Variants in CHRNA4 observed in about 807,000 individuals in gnomAD.
The protein encoded by CHRNA4 is cholinergic receptor nicotinic alpha 4 subunit.
Under a neutral mutation model 48.9 loss-of-function variants are expected in CHRNA4, and 28 were observed. The ratio of observed to expected loss-of-function variants is 0.57; its 90% CI spans 0.42 to 0.79. The LOEUF (loss-of-function observed/expected upper bound fraction) is 0.79, where lower values mean the gene tolerates loss of function less well. Ranked by LOEUF, CHRNA4 falls within the 30% of genes least tolerant of loss-of-function variation. The probability of loss-of-function intolerance (pLI) is 0.00; values close to 1 mark genes in which losing one functional copy is unlikely to be tolerated. For missense variants in CHRNA4, 859 were observed against 898.4 expected (o/e 0.96, Z 0.56); for synonymous variants, 425 against 402.3 (o/e 1.06, Z -0.68).
At chr20:63,349,307 T>G (rs1368751924) in intron 5 of CHRNA4, among the ~76,000 whole-genome samples, 2 of 152,176 alleles carry the variant, frequency 1.3e-5, no homozygotes, top group Non-Finnish European at 2.9e-5. Context: ...GACTTGGCCA[T>G]TGCTGGGCAG....
chr20:63,360,336 C>A (rs1049885512), intron 1 of CHRNA4, among the ~76,000 whole-genome samples: 1 of 152,086 alleles, frequency 6.6e-6, no homozygotes, highest in Non-Finnish European at 1.5e-5. Context: ...CAGACCCCAA[C>A]GAGGTGCCAG....
In CHRNA4 at chr20:63,349,890, G is replaced by A. The variant is rs138865255; in HGVS notation, c.1521C>T (p.Ala507=). 2.1e-5 allele frequency: 33 copies of A among 1,593,390 alleles called. No homozygotes were observed. The Middle Eastern group carries it at 5.1e-4, about 25-fold the overall frequency. ...GGGTGTTGCGAGAGGCCAGGGCGCCGGCAGCCTGGCCATCTGCCTCGGGGG... is the reference window on the plus strand; with the variant it reads ...GGGTGTTGCGAGAGGCCAGGGCGCCAGCAGCCTGGCCATCTGCCTCGGGGG... ...DAAPEADGQA[A]GALASRNTHS... is the part of the protein sequence containing the mutation. Residue 507 remains alanine (A), a synonymous_variant, in exon 5 of 6, where the codon GCC becomes GCT. Transcript: ENST00000370263.
At chr20:63,360,840 C>T (rs1165602061) in intron 1 of CHRNA4, 2 of 391,400 alleles carry the variant, frequency 5.1e-6, no homozygotes, top group Admixed American at 4.6e-5. Flanking sequence ...AGCAGCGGAA[C>T]CCCCCACACC....
chr20:63,350,664 G>T lies in CHRNA4; in HGVS notation c.747C>A (p.Asn249Lys). ...IRRLPLFYTINLIIPCLLISC... is the reference protein window; with the variant it reads ...IRRLPLFYTIKLIIPCLLISC... ...AGATGAGCAGGCAGGGGATGATGAG[G>T]TTGATGGTGTAGAAGAGCGGCAGCC... Residue 249 changes from asparagine (N) to lysine (K), a missense_variant, in exon 5 of 6, where the codon AAC becomes AAA. Physicochemically the swap from Asn to Lys is moderately conservative, Grantham distance 94. Around this residue, in one of 3 missense-constraint regions of CHRNA4, gnomAD observed 342 missense variants for 365.3 expected, o/e 0.94. Transcript: ENST00000370263. 1 of 1,614,014 alleles carries T rather than the reference G, an allele frequency of 6.2e-7. No individual in the cohort carries two copies. The highest frequency in any genetic ancestry group is 1.1e-5 in the South Asian group (1 of 91,070).
At chr20:63,356,491 C>T in intron 2 of CHRNA4, 76 bp from the exon 3 acceptor site, 1 of 1,430,446 alleles carries the variant, frequency 7.0e-7, no homozygotes, top group Non-Finnish European at 9.6e-7. Flanking sequence ...TCATCTACAG[C>T]CACTGGCACA....
intron 4 of CHRNA4, among the ~76,000 whole-genome samples, chr20:63,352,997 T>C (rs1403397252): frequency 6.6e-6 from 1 of 151,988 alleles, no homozygotes; most frequent in African/African-American, 2.4e-5. Flanking sequence ...AGCTGCACCC[T>C]GGGAGCAGAC....
intron 4 of CHRNA4, among the ~76,000 whole-genome samples, chr20:63,352,787 T>G (rs1276195441): frequency 6.6e-6 from 1 of 151,934 alleles, no homozygotes; most frequent in East Asian, 1.9e-4. Context: ...CCCAGGGTCC[T>G]CTGCCCGCGC....
At position 63,343,675 on chromosome 20, in the gene CHRNA4, C is replaced by T; in HGVS notation, c.*3063G>A. Reference sequence around the variant, plus strand: ...CAGGCCGGTCCGGAGGCAGAAGGGGCTGGGAAGCCCTGGCCAGGGCCTTCA... The same window carrying T: ...CAGGCCGGTCCGGAGGCAGAAGGGGTTGGGAAGCCCTGGCCAGGGCCTTCA... On this transcript the variant is annotated 3_prime_UTR_variant, in exon 6 of 6. Transcript: ENST00000370263. 1 of 446,590 alleles carries T rather than the reference C, an allele frequency of 2.2e-6. No individual in the cohort carries two copies. The highest frequency in any genetic ancestry group is 4.5e-6 in the Non-Finnish European group (1 of 221,932). 27.7% of individuals were successfully genotyped at this position (446,590 alleles called of 1,614,324 possible).
At chr20:63,348,688 C>A (rs1306150151) in intron 5 of CHRNA4, among the ~76,000 whole-genome samples, 1 of 152,192 alleles carries the variant, frequency 6.6e-6, no homozygotes, top group East Asian at 1.9e-4. Flanking sequence ...GCCGAATTGC[C>A]GCTGTGGACG....
In CHRNA4 at chr20:63,359,618, CG is replaced by C; in HGVS notation, c.157del (p.Arg53AspfsTer30). 1 of 1,612,706 alleles carries C rather than the reference CG, an allele frequency of 6.2e-7. No homozygotes were observed. Among genetic ancestry groups the C allele is most frequent in the Non-Finnish European group, 8.5e-7 (1 of 1,179,940 alleles). ...CACGTCCGAGATGTTGGCCACGGGTCGGGACCACTTGTTGTAACCGGAGAAG... is the reference window on the plus strand; with the variant it reads ...CACGTCCGAGATGTTGGCCACGGGTCGGACCACTTGTTGTAACCGGAGAAG... ...KLFSGYNKWS[R>X]PVANISDVVL... is the part of the protein sequence containing the mutation. On this transcript the variant is annotated frameshift_variant, in exon 2 of 6. Coordinates refer to ENST00000370263, the MANE Select transcript of CHRNA4 (RefSeq NM_000744.7). LOFTEE classifies it high-confidence loss of function.
chr20:63,351,409 C>T (rs1431211948), intron 4 of CHRNA4, among the ~76,000 whole-genome samples: 2 of 152,216 alleles, frequency 1.3e-5, no homozygotes, highest in African/African-American at 4.8e-5. Context: ...GGGAAGGGAC[C>T]TACGAGTGCC....
At position 63,350,102 on chromosome 20, in the gene CHRNA4, C is replaced by G; in HGVS notation, c.1309G>C (p.Ala437Pro). Residue 437 changes from alanine (A) to proline (P), a missense_variant, in exon 5 of 6, where the codon GCT (alanine) becomes CCT (proline). This residue lies in a region of CHRNA4 where 478 missense variants were observed against 455.4 expected (regional missense o/e 1.05). Transcript: ENST00000370263. ...GAGGGGTGGGGGCTGGCTTTCTCAG[C>G]TTCCAGGGGCTGCTGAGGAGGGAGC... ...DQLPPQQPLE[A>P]EKASPHPSPG... 6.5e-7 allele frequency: 1 copy of G among 1,534,096 alleles called. No individual in the cohort carries two copies. The highest frequency in any genetic ancestry group is 8.8e-7 in the Non-Finnish European group (1 of 1,137,964).
chr20:63,354,250 G>C (rs1188027211), intron 4 of CHRNA4, among the ~76,000 whole-genome samples: 2 of 106,746 alleles, frequency 1.9e-5, no homozygotes, highest in African/African-American at 7.4e-5. Flanking sequence ...CCTAAATGGG[G>C]CTGTGGTCCT....
chr20:63,344,926 C>A lies in CHRNA4; in HGVS notation c.*1812G>T. On this transcript the variant is annotated 3_prime_UTR_variant, in exon 6 of 6. Transcript: ENST00000370263. The surrounding 1 kb of genome is among the most constrained non-coding windows in gnomAD (Gnocchi z 4.5). ...GGGAGGGGCCAGGGGGCTGGGGATG[C>A]CCAGGATTTGGCACGGGGGTCTCTG... 2.5e-6 allele frequency: 1 copy of A among 403,772 alleles called. No homozygotes were observed. Among genetic ancestry groups the A allele is most frequent in the Non-Finnish European group, 5.0e-6 (1 of 198,068 alleles). The allele number at this position is 403,772 out of a possible 1,614,324, so 25.0% of individuals were successfully genotyped here. A position where few individuals can be genotyped will look rare whatever the true frequency, so the allele number is the denominator to read the frequency against.
In CHRNA4 at chr20:63,347,061, G is replaced by A. The variant is rs373231502; in HGVS notation, c.1759-198C>T. ...GCACGGGACAGCCAGTGCTCTGCGG[G>A]GGGCATCATCACCATGGTATGGGGC... On this transcript the variant is annotated intron_variant, in intron 5 of 5. Coordinates refer to ENST00000370263, the MANE Select transcript of CHRNA4 (RefSeq NM_000744.7). 12 of 730,124 alleles carry A rather than the reference G, an allele frequency of 1.6e-5. No homozygotes were observed. The East Asian group carries it at 2.8e-4, about 17-fold the overall frequency. The allele number at this position is 730,124 out of a possible 1,614,324, so 45.2% of individuals were successfully genotyped here.
chr20:63,361,263 GGGCCGCTTC>G lies in CHRNA4; in HGVS notation c.-107_-99del. 7.2e-7 allele frequency: 1 copy of G among 1,390,006 alleles called. No homozygotes were observed. The allele number at this position is 1,390,006 out of a possible 1,614,324, so 86.1% of individuals were successfully genotyped here. A position where few individuals can be genotyped will look rare whatever the true frequency, so the allele number is the denominator to read the frequency against. On this transcript the variant is annotated 5_prime_UTR_variant, in exon 1 of 6. Transcript: ENST00000370263. ...CAACTTCATGCCTCCCGCGCCTCGC[GGGCCGCTTC>G]GGCCGCCGGGCCCGGTTCGTCTTCT...
intron 2 of CHRNA4, among the ~76,000 whole-genome samples, chr20:63,357,923 G>A (rs758026547): frequency 2.1e-4 from 32 of 152,214 alleles, no homozygotes; most frequent in Non-Finnish European, 2.8e-4. Flanking sequence ...GCAAACTGGG[G>A]ACTCTGTGGT....
intron 4 of CHRNA4, among the ~76,000 whole-genome samples, chr20:63,352,077 C>T (rs1249392862): frequency 3.9e-5 from 6 of 152,314 alleles, no homozygotes; most frequent in East Asian, 1.9e-4. Flanking sequence ...TGGGGCACGA[C>T]GCGTCGGGGG....
chr20:63,347,434 C>T (rs748709439), intron 5 of CHRNA4, among the ~76,000 whole-genome samples: 6 of 152,228 alleles, frequency 3.9e-5, no homozygotes, highest in African/African-American at 7.2e-5. Context: ...CCTTCAGGGG[C>T]GGCTGCGGTT....
Sources: gnomAD v4.1 joint callset for allele counts (sites outside exome capture counted in the v4.1 genomes callset) on GRCh38, gnomAD v4.1.1 for gene constraint, gnomAD v4.1.1 regional missense constraint, Gnocchi (gnomAD v3.1) non-coding constraint, MANE v1.5 for transcripts, NCBI Gene and HGNC (gene_info 2026-07-23, HGNC 2026-07-21) for gene names.